The following ANTXR1 variants were observed in gnomAD, a reference collection of about 807,000 sequenced individuals.
The protein encoded by ANTXR1 is ANTXR cell adhesion molecule 1, also known as anthrax toxin receptor 1.
Under a neutral mutation model 78.1 loss-of-function variants are expected in ANTXR1, and 19 were observed. The ratio of observed to expected loss-of-function variants is 0.24; its 90% CI spans 0.17 to 0.36. The LOEUF is 0.36. Among genes scored for constraint, ANTXR1 ranks in the 10% least tolerant of loss-of-function variants. The pLI is 1.00. For missense variants in ANTXR1, 518 were observed against 718.6 expected, an observed-to-expected ratio of 0.72 and a Z score of 3.19; for synonymous variants, 273 against 260.5, an observed-to-expected ratio of 1.05 and a Z score of -0.46.
chr2:69,073,217 GA>G, intron 6 of ANTXR1, 116 bp downstream of exon 6: 1 of 859,248 alleles, frequency 1.2e-6, no homozygotes, highest in Non-Finnish European at 1.9e-6. Context: ...TCCCCTGAAT[GA>G]AATAGAGTTT....
At chr2:69,091,463 A>G (rs1671235662) in intron 9 of ANTXR1, among the ~76,000 whole-genome samples, 1 of 151,704 alleles carries the variant, frequency 6.6e-6, no homozygotes, top group Non-Finnish European at 1.5e-5. Context: ...AAAAAAAAAA[A>G]AAAAAAAGTT....
intron 17 of ANTXR1, 100 bp from the exon 18 acceptor site, chr2:69,245,125 C>T: frequency 7.1e-7 from 1 of 1,401,220 alleles, no homozygotes. Context: ...CCAACAGGGG[C>T]CAGCTTTCCA....
intron 17 of ANTXR1, among the ~76,000 whole-genome samples, chr2:69,232,876 G>A (rs1249662810): frequency 6.6e-6 from 1 of 152,032 alleles, no homozygotes; most frequent in Admixed American, 6.6e-5. Context: ...ATCTTTGAAA[G>A]ACAAATCCAA....
At chr2:69,122,278 C>T (rs1672373742) in intron 10 of ANTXR1, among the ~76,000 whole-genome samples, 1 of 152,204 alleles carries the variant, frequency 6.6e-6, no homozygotes, top group Non-Finnish European at 1.5e-5. Context: ...TTTCCGAAGA[C>T]CTGACTATGA....
intron 14 of ANTXR1, among the ~76,000 whole-genome samples, chr2:69,175,234 C>T (rs1674088803): frequency 6.6e-6 from 1 of 152,204 alleles, no homozygotes; most frequent in African/African-American, 2.4e-5. Flanking sequence ...TAGCTATTCT[C>T]ATTAGCTCTC....
At chr2:69,068,863 A>G (rs900534480) in intron 3 of ANTXR1, among the ~76,000 whole-genome samples, 5 of 152,310 alleles carry the variant, frequency 3.3e-5, no homozygotes, top group Non-Finnish European at 5.9e-5. Context: ...GGCTGAAGAG[A>G]TAGAGAAGTA....
chr2:69,149,278 C>T (rs1673323275), intron 12 of ANTXR1, among the ~76,000 whole-genome samples: 1 of 152,206 alleles, frequency 6.6e-6, no homozygotes, highest in African/African-American at 2.4e-5. Context: ...AACTGGGCCT[C>T]ATTAGGGGGA....
intron 5 of ANTXR1, 64 bp from the exon 6 acceptor site, chr2:69,072,954 TGGGA>T (rs538123354): frequency 2.9e-5 from 42 of 1,470,842 alleles, no homozygotes; most frequent in South Asian, 2.8e-4. Flanking sequence ...GGTTGAATCC[TGGGA>T]CTGAGAGGGT....
At chr2:69,043,086 C>T (rs988239803) in intron 2 of ANTXR1, among the ~76,000 whole-genome samples, 3 of 152,114 alleles carry the variant, frequency 2.0e-5, no homozygotes, top group Admixed American at 6.6e-5. Context: ...CTTTATTTTC[C>T]ACATTTCAAA....
chr2:69,181,524 G>A (rs1432975915), intron 14 of ANTXR1, among the ~76,000 whole-genome samples: 1 of 152,198 alleles, frequency 6.6e-6, no homozygotes, highest in Non-Finnish European at 1.5e-5. Flanking sequence ...CCACAAAGGA[G>A]TAGAGCTGTA....
intron 8 of ANTXR1, among the ~76,000 whole-genome samples, chr2:69,083,015 C>T (rs902970976): frequency 6.6e-6 from 1 of 152,218 alleles, no homozygotes; most frequent in African/African-American, 2.4e-5. Context: ...ACCGAGGAAT[C>T]AATCTATTCC....
At chr2:69,147,312 C>G (rs1289781456) in intron 12 of ANTXR1, among the ~76,000 whole-genome samples, 1 of 152,224 alleles carries the variant, frequency 6.6e-6, no homozygotes, top group Admixed American at 6.5e-5. Flanking sequence ...TGCAGATGTG[C>G]ATCTACTTCT....
At chr2:69,020,799 A>C (rs1297117642) in intron 1 of ANTXR1, among the ~76,000 whole-genome samples, 2 of 152,256 alleles carry the variant, frequency 1.3e-5, no homozygotes, top group East Asian at 3.8e-4. Flanking sequence ...AAAAGTAATT[A>C]GATTTCTCCA....
intron 17 of ANTXR1, among the ~76,000 whole-genome samples, chr2:69,210,436 A>G (rs1675013028): frequency 6.6e-6 from 1 of 152,204 alleles, no homozygotes; most frequent in African/African-American, 2.4e-5. Flanking sequence ...GGAATAACCA[A>G]AATGATTTTA....
chr2:69,191,494 C>T (rs1195324488), intron 16 of ANTXR1, among the ~76,000 whole-genome samples: 2 of 152,186 alleles, frequency 1.3e-5, no homozygotes, highest in Non-Finnish European at 2.9e-5. Context: ...GATTTTCAAA[C>T]GTTCCTAAGG....
Position 69,174,633 on chromosome 2 carries a change from A to AG in ANTXR1, c.1089+4344_1089+4345insG, listed in dbSNP as rs201108450. ...GAGCAAGACTCTATCTCAAAAAAAAAAAGAGAGAGAGAGAGAGTGTAACTG... is the reference window on the plus strand; with the variant it reads ...GAGCAAGACTCTATCTCAAAAAAAAAGAAGAGAGAGAGAGAGAGTGTAACTG... On this transcript the variant is annotated intron_variant, in intron 14 of 17. Transcript: ENST00000303714. Among the ~76,000 whole-genome samples the AG allele has an allele frequency of 1.1e-3, 172 of 152,202 alleles. 2 individuals carry two copies. In the East Asian group the frequency reaches 0.027, roughly 24 times the overall value.
At chr2:69,127,060 T>C (rs1672564061) in intron 12 of ANTXR1, among the ~76,000 whole-genome samples, 4 of 152,118 alleles carry the variant, frequency 2.6e-5, no homozygotes, top group African/African-American at 4.8e-5. Context: ...GCCTGGGTTA[T>C]ATCAGAGAAT....
In ANTXR1 at chr2:69,171,082, A is replaced by G. The variant is rs541645499; in HGVS notation, c.1089+793A>G. 4.6e-5 allele frequency among the ~76,000 whole-genome samples: 7 copies of G among 152,378 alleles called. No individual in the cohort carries two copies. The South Asian group carries it at 1.4e-3, about 32-fold the overall frequency. On this transcript the variant is annotated intron_variant, in intron 14 of 17. Transcript: ENST00000303714. ...TAAACACTCAATGAGACCAAAAGAT[A>G]GATTGATAAGGTTTCAAGTTCTTGT... is the stretch of plus-strand genomic sequence containing the variant.
chr2:69,235,671 A>G (rs1675743321), intron 17 of ANTXR1, among the ~76,000 whole-genome samples: 1 of 150,520 alleles, frequency 6.6e-6, no homozygotes, highest in South Asian at 2.1e-4. Flanking sequence ...AAAAAAAAAA[A>G]AAGAATAGAC....
Sources: allele counts gnomAD v4.1 joint callset (sites outside exome capture counted in the v4.1 genomes callset), GRCh38; gene constraint gnomAD v4.1.1; transcripts MANE v1.5; gene names NCBI Gene and HGNC (gene_info 2026-07-23, HGNC 2026-07-21).